The following CDK13 variants were observed in gnomAD, a reference collection of about 807,000 sequenced individuals.
The protein encoded by CDK13 is cyclin-dependent kinase 13.
A neutral mutation model predicts 137.6 loss-of-function variants in CDK13; 40 were observed. The observed-to-expected ratio is 0.29, with a 90% CI of 0.23 to 0.38. The LOEUF (loss-of-function observed/expected upper bound fraction) is 0.38. CDK13 is among the 10% of genes least tolerant of loss of function. The pLI, the probability that CDK13 is intolerant of heterozygous loss-of-function variation, is 1.00. For synonymous variants in CDK13, 869 were observed against 760.1 expected (o/e 1.14, Z -2.36); for missense variants, 1,704 against 1,951.8 (o/e 0.87, Z 2.39).
At position 40,058,089 on chromosome 7, in the gene CDK13, T is replaced by C. The variant is rs1369861163; in HGVS notation, c.2601-4737T>C. ...TTAGGGGAGTTAAGATAGGCCTCTTTTAGGAAGTAAATTGGAGCTAAGACC... is the reference window on the plus strand; with the variant it reads ...TTAGGGGAGTTAAGATAGGCCTCTTCTAGGAAGTAAATTGGAGCTAAGACC... On this transcript the variant is annotated intron_variant, in intron 7 of 13. Transcript: ENST00000181839. Among the ~76,000 whole-genome samples the C allele has an allele frequency of 2.6e-5, 4 of 151,874 alleles. No individual in the cohort carries two copies. In the East Asian group the frequency reaches 7.7e-4, roughly 29 times the overall value.
intron 2 of CDK13, among the ~76,000 whole-genome samples, chr7:39,990,343 TC>T (rs1725879498): frequency 6.6e-6 from 1 of 152,180 alleles, no homozygotes; most frequent in African/African-American, 2.4e-5. Flanking sequence ...TTCTAAAGAT[TC>T]ATGAGCACTT....
intron 6 of CDK13, among the ~76,000 whole-genome samples, chr7:40,046,847 C>G (rs987426136): frequency 4.6e-5 from 7 of 151,212 alleles, no homozygotes; most frequent in Non-Finnish European, 7.4e-5. Flanking sequence ...ACTAAAAATA[C>G]AAAAATAAAC....
chr7:39,966,165 A>G (rs1053729918), intron 1 of CDK13, among the ~76,000 whole-genome samples: 3 of 151,838 alleles, frequency 2.0e-5, no homozygotes, highest in Non-Finnish European at 4.4e-5. Flanking sequence ...ATGTTGGCCT[A>G]CCTTGCTAGA....
At chr7:40,023,819 A>G (rs1785181564) in intron 5 of CDK13, among the ~76,000 whole-genome samples, 1 of 152,142 alleles carries the variant, frequency 6.6e-6, no homozygotes, top group Non-Finnish European at 1.5e-5. Flanking sequence ...ACTGCTGGAG[A>G]AGAATCATTA....
intron 5 of CDK13, among the ~76,000 whole-genome samples, chr7:40,039,883 G>A (rs932491852): frequency 6.6e-6 from 1 of 151,058 alleles, no homozygotes; most frequent in Non-Finnish European, 1.5e-5. Context: ...ATTATTTCTT[G>A]GTATAAATTA....
chr7:40,069,865 T>C (rs1168709603), intron 9 of CDK13: 1 of 151,852 alleles, frequency 6.6e-6, no homozygotes, highest in African/African-American at 2.4e-5. Context: ...GTAGATCATC[T>C]GAGGTCAGCA....
intron 2 of CDK13, among the ~76,000 whole-genome samples, chr7:39,992,163 G>GGGGTGTGTGTGTGT (rs550297232): frequency 8.3e-4 from 121 of 146,406 alleles, no homozygotes; most frequent in Admixed American, 1.8e-3. Context: ...AACTAATGAG[G>GGGGTGTGTGTGTGT]GTGTGTGTGT....
intron 1 of CDK13, among the ~76,000 whole-genome samples, chr7:39,976,288 GTCTCTCTC>G (rs1174858221): frequency 3.3e-4 from 10 of 29,872 alleles, no homozygotes; most frequent in Admixed American, 4.9e-4. Flanking sequence ...GCGAGATTCC[GTCTCTCTC>G]TCTCTCTCTC....
chr7:39,967,063 A>G (rs1783888342), intron 1 of CDK13, among the ~76,000 whole-genome samples: 3 of 152,078 alleles, frequency 2.0e-5, no homozygotes, highest in Non-Finnish European at 4.4e-5. Flanking sequence ...GGGTTCAGGG[A>G]CCCACTTGAG....
chr7:40,000,494 G>T (rs1784659814), intron 4 of CDK13, among the ~76,000 whole-genome samples: 1 of 152,214 alleles, frequency 6.6e-6, no homozygotes, highest in Non-Finnish European at 1.5e-5. Flanking sequence ...AGTGAGCCGA[G>T]ATTGGACCAC....
Position 40,094,613 on chromosome 7 carries a change from C to G in CDK13, c.4172C>G (p.Pro1391Arg), listed in dbSNP as rs1210437451. 1.9e-6 allele frequency: 3 copies of G among 1,613,896 alleles called. No homozygotes were observed. The Admixed American group carries it at 5.0e-5, about 27-fold the overall frequency. Reference sequence around the variant, plus strand: ...GCTTCATCTCATTCTGGTGGTCCACCTCAGCCTTCTGCCTTTTCTGAGTCA... The same window carrying G: ...GCTTCATCTCATTCTGGTGGTCCACGTCAGCCTTCTGCCTTTTCTGAGTCA... ...STASSHSGGPPQPSAFSESFP... is the reference protein window; with the variant it reads ...STASSHSGGPRQPSAFSESFP... Residue 1391 changes from proline to arginine, a missense_variant, in exon 14 of 14, where the codon CCT becomes CGT. By Grantham distance (103) the Pro-to-Arg change is moderately radical. Around this residue, in one of 5 missense-constraint regions of CDK13, gnomAD observed 475 missense variants for 579.3 expected, o/e 0.82. Transcript: ENST00000181839.
At chr7:40,050,087 C>G (rs540089356) in intron 7 of CDK13, among the ~76,000 whole-genome samples, 142 of 151,992 alleles carry the variant, frequency 9.3e-4, no homozygotes, top group African/African-American at 3.3e-3. Flanking sequence ...CCAAGTGATT[C>G]TCCTGCCTCA....
chr7:40,065,802 T>C (rs753624388), intron 9 of CDK13, among the ~76,000 whole-genome samples: 1 of 152,214 alleles, frequency 6.6e-6, no homozygotes, highest in Non-Finnish European at 1.5e-5. Flanking sequence ...GTAAAATTTA[T>C]GAAGAAACCT....
At chr7:40,042,483 T>TTC (rs1785631925) in intron 5 of CDK13, among the ~76,000 whole-genome samples, 1 of 135,558 alleles carries the variant, frequency 7.4e-6, no homozygotes, top group Non-Finnish European at 1.6e-5. Flanking sequence ...CTTTCTTTTT[T>TTC]TTTTTTTTTT....
chr7:40,074,366 CA>C (rs1168026190), intron 9 of CDK13, among the ~76,000 whole-genome samples: 2 of 151,572 alleles, frequency 1.3e-5, no homozygotes, highest in African/African-American at 2.4e-5. Flanking sequence ...ACTAAAAATA[CA>C]AAAAAATTAG....
chr7:39,957,805 C>T (rs1787465961), intron 1 of CDK13, among the ~76,000 whole-genome samples: 1 of 152,094 alleles, frequency 6.6e-6, no homozygotes, highest in South Asian at 2.1e-4. Context: ...ACTTATTTCC[C>T]AACTCTGAAA....
intron 2 of CDK13, among the ~76,000 whole-genome samples, 175 bp from the exon 3 acceptor site, chr7:39,997,319 T>TTATAC (rs1784585923): frequency 1.3e-5 from 2 of 152,196 alleles, no homozygotes; most frequent in Admixed American, 1.3e-4. Context: ...AAATTTTGCA[T>TTATAC]TATACAGTTG....
chr7:40,044,520 T>C (rs183074247), intron 5 of CDK13, among the ~76,000 whole-genome samples: 74 of 151,960 alleles, frequency 4.9e-4, no homozygotes, highest in Non-Finnish European at 8.5e-4. Context: ...GGTTTCGACA[T>C]GTTGCCCAGG....
chr7:40,091,745 C>T (rs993014136), intron 12 of CDK13, among the ~76,000 whole-genome samples: 1 of 152,032 alleles, frequency 6.6e-6, no homozygotes, highest in African/African-American at 2.4e-5. Context: ...AGCATGCTCA[C>T]GGATCATAAG....
Sources: gnomAD v4.1 joint callset for allele counts (sites outside exome capture counted in the v4.1 genomes callset) on GRCh38, gnomAD v4.1.1 for gene constraint, gnomAD v4.1.1 regional missense constraint, MANE v1.5 for transcripts, NCBI Gene and HGNC (gene_info 2026-07-23, HGNC 2026-07-21) for gene names.